PAK3: variants seen among roughly 807,000 people sequenced by gnomAD.
PAK3 encodes p21 (RAC1) activated kinase 3.
PAK3 carries 4 observed loss-of-function variants against 41.0 expected under a neutral mutation model. That is an observed-to-expected ratio of 0.10 (90% CI 0.05 to 0.22). PAK3 has a LOEUF of 0.22. PAK3 is among the 10% of genes least tolerant of loss of function. The pLI is 1.00. For synonymous variants in PAK3, 146 were observed against 139.6 expected, an observed-to-expected ratio of 1.05 and a Z score of -0.32; for missense variants, 205 against 409.9, an observed-to-expected ratio of 0.50 and a Z score of 4.32.
intron 4 of PAK3, among the ~76,000 whole-genome samples, chrX:111,121,757 T>C (rs1426153215): frequency 3.6e-5 from 4 of 111,810 alleles, no homozygotes; most frequent in Non-Finnish European, 5.6e-5. Flanking sequence ...TTTCCTTGAA[T>C]TCAAACTGGG....
At chrX:110,995,951 A>C (rs2091732212) in intron 1 of PAK3, among the ~76,000 whole-genome samples, 1 of 111,832 alleles carries the variant, frequency 8.9e-6, no homozygotes, top group Non-Finnish European at 1.9e-5. Context: ...ATACTTTCTC[A>C]GAAGAACATG....
chrX:110,954,737 A>C (rs573930646), intron 1 of PAK3, among the ~76,000 whole-genome samples: 111 of 111,592 alleles, frequency 9.9e-4, no homozygotes, highest in East Asian at 1.7e-3. Context: ...GATTCTTGTG[A>C]ATTGTTAACT....
chrX:111,175,172 A>G (rs1018076365), intron 11 of PAK3, among the ~76,000 whole-genome samples: 1 of 111,494 alleles, frequency 9.0e-6, no homozygotes, highest in Non-Finnish European at 1.9e-5. Context: ...AACAATAGGA[A>G]GGGAAGGGAT....
chrX:111,101,238 C>T (rs1215795828), intron 3 of PAK3, among the ~76,000 whole-genome samples: 1 of 112,021 alleles, frequency 8.9e-6, no homozygotes, highest in Non-Finnish European at 1.9e-5. Context: ...TGCAGATATA[C>T]ATGACCCAGT....
chrX:110,946,508 A>G (rs774754415), intron 1 of PAK3, among the ~76,000 whole-genome samples: 21 of 112,539 alleles, frequency 1.9e-4, no homozygotes, highest in African/African-American at 5.2e-4. Context: ...AACTAAATGG[A>G]CAATATTTAC....
intron 1 of PAK3, among the ~76,000 whole-genome samples, chrX:111,005,455 G>A (rs1386664571): frequency 8.9e-6 from 1 of 111,775 alleles, no homozygotes; most frequent in Admixed American, 9.5e-5. Flanking sequence ...AAAGCCTGCT[G>A]GCTCCTGGGA....
At chrX:111,212,128 T>TGATTATATG (rs1244396743) in intron 16 of PAK3, among the ~76,000 whole-genome samples, 1 of 111,320 alleles carries the variant, frequency 9.0e-6, no homozygotes, top group Non-Finnish European at 1.9e-5. Context: ...GGGGAAAAGA[T>TGATTATATG]GATTATATGG....
At chrX:111,138,825 C>G (rs1164220399) in intron 5 of PAK3, among the ~76,000 whole-genome samples, 8 of 110,821 alleles carry the variant, frequency 7.2e-5, no homozygotes. Context: ...TAATAGGGGA[C>G]AGCATTTAAG....
chrX:111,058,351 AT>A (rs763510577), intron 1 of PAK3, among the ~76,000 whole-genome samples: 1 of 111,469 alleles, frequency 9.0e-6, no homozygotes, highest in African/African-American at 3.3e-5. Flanking sequence ...GTTATTGTCT[AT>A]TTTTTTGTGT....
intron 1 of PAK3, among the ~76,000 whole-genome samples, chrX:111,068,462 C>T (rs1324917754): frequency 4.5e-5 from 5 of 111,585 alleles, no homozygotes; most frequent in Non-Finnish European, 9.4e-5. Flanking sequence ...ACCACGCTGG[C>T]TAATTTTTGT....
intron 4 of PAK3, among the ~76,000 whole-genome samples, chrX:111,104,390 T>C (rs1358130829): frequency 9.0e-6 from 1 of 111,334 alleles, no homozygotes; most frequent in Non-Finnish European, 1.9e-5. Context: ...CCTTTCACAC[T>C]GAGCATACAA....
intron 4 of PAK3, among the ~76,000 whole-genome samples, chrX:111,122,677 C>T (rs1200941717): frequency 9.0e-6 from 1 of 111,553 alleles, no homozygotes; most frequent in Non-Finnish European, 1.9e-5. Flanking sequence ...ACAGCCAAAC[C>T]TGTGTCAATT....
intron 16 of PAK3, among the ~76,000 whole-genome samples, chrX:111,202,941 GAC>G (rs2094699734): frequency 8.9e-6 from 1 of 111,895 alleles, no homozygotes; most frequent in South Asian, 3.8e-4. Context: ...ATCGCTGGAA[GAC>G]AGTTATTGGT....
chrX:110,960,848 T>G (rs1243739573), intron 1 of PAK3, among the ~76,000 whole-genome samples: 1 of 111,414 alleles, frequency 9.0e-6, no homozygotes, highest in Non-Finnish European at 1.9e-5. Context: ...AGCTCCCTCA[T>G]GCTAATTATA....
intron 1 of PAK3, among the ~76,000 whole-genome samples, chrX:110,957,386 C>T (rs184260624): frequency 2.7e-5 from 3 of 111,908 alleles, no homozygotes; most frequent in Non-Finnish European, 5.6e-5. Context: ...CTCATTTAAT[C>T]CTCATGATAA....
chrX:111,186,269 A>C (rs2094509485), intron 11 of PAK3, among the ~76,000 whole-genome samples: 1 of 111,508 alleles, frequency 9.0e-6, no homozygotes, highest in African/African-American at 3.3e-5. Flanking sequence ...CCTATTCAAC[A>C]TAGTGTTGGA....
intron 1 of PAK3, among the ~76,000 whole-genome samples, chrX:111,080,361 A>C (rs917843903): frequency 8.9e-6 from 1 of 112,147 alleles, no homozygotes; most frequent in East Asian, 2.8e-4. Context: ...AGGACCCTCC[A>C]TCAGCAAAAA....
chrX:111,173,831 A>T (rs7886027), intron 11 of PAK3, among the ~76,000 whole-genome samples: 2 of 111,340 alleles, frequency 1.8e-5, no homozygotes, highest in African/African-American at 6.6e-5. Context: ...CAGGCCTCAA[A>T]GTGAAACTAG....
chrX:111,147,775 C>T lies in PAK3; in HGVS notation c.315C>T (p.Ser105=). The change falls in exon 7 of 18, where the codon TCC becomes TCT. Residue 105 remains serine (S), a synonymous_variant. Transcript: ENST00000372007. The part of the protein sequence containing the change: ...PEQWARLLQT[S]NITKLEQKKN... ...AATGGGCACGATTACTCCAAACTTC[C>T]AACATAACAAAATTGGAACAGAAGA... The T allele has an allele frequency of 8.3e-7, 1 of 1,205,989 alleles. No individual in the cohort carries two copies. The highest frequency in any genetic ancestry group is 1.1e-6 in the Non-Finnish European group (1 of 890,385).
Sources: allele counts gnomAD v4.1 joint callset (sites outside exome capture counted in the v4.1 genomes callset), GRCh38; gene constraint gnomAD v4.1.1; transcripts MANE v1.5; gene names NCBI Gene and HGNC (gene_info 2026-07-23, HGNC 2026-07-21).